The following KIFC3 variants were observed in gnomAD, a reference collection of about 807,000 sequenced individuals.
The protein encoded by KIFC3 is kinesin family member C3.
KIFC3 carries 60 observed loss-of-function variants against 101.8 expected under a neutral mutation model. The ratio of observed to expected loss-of-function variants is 0.59; its 90% confidence interval spans 0.48 to 0.73. The LOEUF is 0.73. KIFC3 is among the 30% of genes least tolerant of loss of function. KIFC3 has a pLI of 0.00. For missense variants in KIFC3, 966 were observed against 1,137.1 expected, an observed-to-expected ratio of 0.85 and a Z score of 2.16; for synonymous variants, 476 against 482.7, an observed-to-expected ratio of 0.99 and a Z score of 0.18.
chr16:57,836,135 G>C (rs933140845), intron 1 of KIFC3, among the ~76,000 whole-genome samples: 2 of 152,126 alleles, frequency 1.3e-5, no homozygotes, highest in Non-Finnish European at 1.5e-5. Context: ...TGCTTGTTTT[G>C]AGTCAGGGCC....
In KIFC3 at chr16:57,853,499, C is replaced by T. The variant is rs191627037; in HGVS notation, c.108+9230G>A. ...TAAGAAAGGGCAAACAGAAACAAAACATAGAGGGAACAAACAGAAAACAAT... is the reference window on the plus strand; with the variant it reads ...TAAGAAAGGGCAAACAGAAACAAAATATAGAGGGAACAAACAGAAAACAAT... On this transcript the variant is annotated intron_variant, in intron 1 of 2. Coordinates refer to the KIFC3 transcript ENST00000563028. Among the ~76,000 whole-genome samples the T allele has an allele frequency of 2.5e-3, 380 of 152,078 alleles. 2 individuals are homozygous for T. The highest frequency in any genetic ancestry group is 8.5e-3 in the African/African-American group (351 of 41,480).
intron 3 of KIFC3, chr16:57,774,863 C>T (rs2051829424): frequency 1.5e-6 from 2 of 1,361,704 alleles, no homozygotes; most frequent in Non-Finnish European, 1.9e-6. Context: ...GTAATTCCTA[C>T]TCTCCCTACC....
rs782361197 is a variant in KIFC3, at chr16:57,761,379, G to A, written c.1872+34C>T. 4 of 1,613,448 alleles carry A rather than the reference G, an allele frequency of 2.5e-6. No individual in the cohort carries two copies. The African/African-American group carries it at 5.3e-5, about 22-fold the overall frequency. On this transcript the variant is annotated intron_variant, in intron 14 of 19. Coordinates refer to ENST00000445690, the MANE Select transcript of KIFC3 (RefSeq NM_001130100.2). Reference sequence around the variant, plus strand: ...AAACCCAGTTGTGTCCTCTAGAGCAGTGTGGCTGTGGTCAGGGGCTCCCGC... The same window carrying A: ...AAACCCAGTTGTGTCCTCTAGAGCAATGTGGCTGTGGTCAGGGGCTCCCGC...
intron 7 of KIFC3, among the ~76,000 whole-genome samples, chr16:57,770,304 G>A (rs1453593272): frequency 1.4e-4 from 21 of 152,266 alleles, no homozygotes; most frequent in Non-Finnish European, 8.8e-5. Context: ...TTGGGATGAC[G>A]TTCCTGAGTC....
chr16:57,799,772 G>A (rs2054601176), intron 1 of KIFC3, among the ~76,000 whole-genome samples: 1 of 152,130 alleles, frequency 6.6e-6, no homozygotes, highest in Non-Finnish European at 1.5e-5. Context: ...GCTGAGAGAG[G>A]GACAGGAGCT....
At chr16:57,826,292 G>A (rs2055456732) in intron 1 of KIFC3, among the ~76,000 whole-genome samples, 1 of 152,170 alleles carries the variant, frequency 6.6e-6, no homozygotes, top group African/African-American at 2.4e-5. Context: ...TCCTTCTATG[G>A]TTGTACTTTT....
At position 57,764,811 on chromosome 16, in the gene KIFC3, C is replaced by A. The variant is rs527308731; in HGVS notation, c.1513-564G>T. ...GGCAGGGTCATGAAGATGGATGGGG[C>A]CATGTGGGTGGCCATGGGGGTGGGA... On this transcript the variant is annotated intron_variant, in intron 11 of 19. Coordinates refer to ENST00000445690, the MANE Select transcript of KIFC3 (RefSeq NM_001130100.2). Among the ~76,000 whole-genome samples, 227 of 151,774 alleles carry A rather than the reference C, an allele frequency of 1.5e-3. 1 individual carries two copies. Among genetic ancestry groups the A allele is most frequent in the African/African-American group, 5.3e-3 (218 of 41,362 alleles).
chr16:57,804,705 T>C (rs1367045304), upstream of KIFC3, among the ~76,000 whole-genome samples: 9 of 151,878 alleles, frequency 5.9e-5, no homozygotes, highest in African/African-American at 2.2e-4. Flanking sequence ...TCCTCCCACC[T>C]GAGCCTCCTG....
At chr16:57,765,384 AGCGCCCCC>A in intron 11 of KIFC3, 67 bp downstream of exon 11, 1 of 1,429,610 alleles carries the variant, frequency 7.0e-7, no homozygotes, top group East Asian at 2.5e-5. Flanking sequence ...CTTCCTGCCC[AGCGCCCCC>A]GCTCCCTGTG....
chr16:57,786,236 G>A (rs1015524980), intron 3 of KIFC3, among the ~76,000 whole-genome samples: 4 of 152,118 alleles, frequency 2.6e-5, no homozygotes, highest in African/African-American at 4.8e-5. Flanking sequence ...TCAGCCAGCC[G>A]GCACCTAGCA....
intron 18 of KIFC3, 78 bp downstream of exon 18, chr16:57,759,646 GAGAA>G (rs1363314206): frequency 9.5e-7 from 1 of 1,049,420 alleles, no homozygotes; most frequent in Non-Finnish European, 1.4e-6. Flanking sequence ...GGAAAGAAAA[GAGAA>G]AGCCCATCCA....
chr16:57,854,489 A>C (rs1442232576), intron 1 of KIFC3, among the ~76,000 whole-genome samples: 2 of 152,074 alleles, frequency 1.3e-5, no homozygotes, highest in African/African-American at 4.8e-5. Flanking sequence ...TTAGCCAGCC[A>C]TGGTGGCATG....
intron 11 of KIFC3, among the ~76,000 whole-genome samples, chr16:57,764,982 G>A (rs28362498): frequency 0.15 from 23,078 of 150,754 alleles, 2,233 homozygotes; most frequent in African/African-American, 0.26. Context: ...AGGGGCCTTG[G>A]GAGTGGGCAG....
At chr16:57,815,495 T>C in intron 1 of KIFC3, 2 of 1,253,016 alleles carry the variant, frequency 1.6e-6, no homozygotes, top group Non-Finnish European at 2.1e-6. Context: ...CCAACCTGGC[T>C]GATCTGGGAC....
chr16:57,805,673 C>CTTTTTT (rs5817120), upstream of KIFC3, among the ~76,000 whole-genome samples: 1 of 97,994 alleles, frequency 1.0e-5, no homozygotes, highest in East Asian at 2.6e-4. Context: ...TGCCCATAGA[C>CTTTTTT]TTTTTTTTTT....
At chr16:57,819,083 C>T (rs924883411) in intron 1 of KIFC3, among the ~76,000 whole-genome samples, 3 of 151,996 alleles carry the variant, frequency 2.0e-5, no homozygotes, top group Admixed American at 1.3e-4. Context: ...ACAGGCACAG[C>T]CCCACTGTCA....
At chr16:57,772,876 A>G (rs1479847731) in intron 3 of KIFC3, among the ~76,000 whole-genome samples, 25 of 152,176 alleles carry the variant, frequency 1.6e-4, no homozygotes, top group African/African-American at 5.8e-4. Context: ...AAGCTGTGGC[A>G]GCCAAGGCTC....
At chr16:57,760,242 C>A (rs2148828691) in intron 17 of KIFC3, 40 bp downstream of exon 17, 1 of 1,590,542 alleles carries the variant, frequency 6.3e-7, no homozygotes. Flanking sequence ...AAGTCTCTGA[C>A]CCAGGGCCAC....
Position 57,837,858 on chromosome 16 carries a change from A to G in KIFC3, c.108+24871T>C, listed in dbSNP as rs2055727414. Among the ~76,000 whole-genome samples the G allele has an allele frequency of 1.3e-5, 2 of 152,094 alleles. 1 individual carries two copies. Among genetic ancestry groups the G allele is most frequent in the South Asian group, 4.1e-4 (2 of 4,822 alleles). ...CAACCTCACCGTGTAAAGGCAGTGG[A>G]GGTGATGGTGAACTTGCTTGCTGCG... is the stretch of plus-strand genomic sequence containing the variant. On this transcript the variant is annotated intron_variant, in intron 1 of 2. Transcript: ENST00000563028.
Sources: allele counts gnomAD v4.1 joint callset (sites outside exome capture counted in the v4.1 genomes callset), GRCh38; gene constraint gnomAD v4.1.1; transcripts MANE v1.5; gene names NCBI Gene and HGNC (gene_info 2026-07-23, HGNC 2026-07-21).